CSNK1D: variants seen among roughly 807,000 people sequenced by gnomAD.
The protein encoded by CSNK1D is casein kinase 1 delta.
Under a neutral mutation model 46.6 loss-of-function variants are expected in CSNK1D, and 16 were observed. That is an observed-to-expected ratio of 0.34 (90% CI 0.23 to 0.52). The LOEUF (loss-of-function observed/expected upper bound fraction) is 0.52, where lower values mean the gene tolerates loss of function less well. Among genes scored for constraint, CSNK1D ranks in the 20% least tolerant of loss-of-function variants. The pLI, the probability that CSNK1D is intolerant of heterozygous loss-of-function variation, is 0.95. For synonymous variants in CSNK1D, 276 were observed against 228.2 expected (o/e 1.21, Z -1.89); for missense variants, 398 against 578.4 (o/e 0.69, Z 3.20).
intron 2 of CSNK1D, among the ~76,000 whole-genome samples, chr17:82,260,020 ACT>A (rs1389623935): frequency 6.1e-5 from 8 of 132,144 alleles, no homozygotes; most frequent in African/African-American, 2.5e-4. Context: ...TGGTGTACTG[ACT>A]GATGGTGTAC....
downstream of CSNK1D, chr17:82,240,176 C>T (rs2050722876): frequency 6.0e-6 from 5 of 829,484 alleles, no homozygotes; most frequent in African/African-American, 3.5e-5. Context: ...TGCCTGCAGC[C>T]TCAGGGCTGT....
Position 82,248,892 on chromosome 17 carries a change from G to C in CSNK1D, c.1180C>G (p.Arg394Gly). Residue 394 changes from arginine (R) to glycine (G), a missense_variant, in exon 8 of 9, where the codon CGC becomes GGC. By Grantham distance (125) the Arg-to-Gly change is moderately radical. This residue lies in a region of CSNK1D where 181 missense variants were observed against 208.0 expected (regional missense o/e 0.87). Coordinates refer to ENST00000314028, the MANE Select transcript of CSNK1D (RefSeq NM_001893.6). The surrounding 1 kb of genome is among the most constrained non-coding windows in gnomAD (Gnocchi z 4.1). The part of the protein sequence containing the change: ...SDLTGRQDTS[R>G]MSTSQIPGRV... The stretch of plus-strand genomic sequence containing the variant: ...GCACCTACCTGTGAGGTGGACATGC[G>C]AGAGGTATCTTGTCGGCCTGTGAGG... 6.2e-7 allele frequency: 1 copy of C among 1,610,694 alleles called. No individual in the cohort carries two copies. Among genetic ancestry groups the C allele is most frequent in the Non-Finnish European group, 8.5e-7 (1 of 1,178,330 alleles).
At chr17:82,262,317 C>T (rs979689324) in intron 2 of CSNK1D, among the ~76,000 whole-genome samples, 2 of 152,210 alleles carry the variant, frequency 1.3e-5, no homozygotes, top group Non-Finnish European at 2.9e-5. Flanking sequence ...AGTCTGTCCT[C>T]TGTGAAGTTA....
At chr17:82,263,525 C>G (rs921919535) in intron 2 of CSNK1D, among the ~76,000 whole-genome samples, 1 of 152,178 alleles carries the variant, frequency 6.6e-6, no homozygotes, top group African/African-American at 2.4e-5. Flanking sequence ...CCAACATCTA[C>G]CATGCAGAGA....
At chr17:82,262,593 T>C (rs187877895) in intron 2 of CSNK1D, among the ~76,000 whole-genome samples, 31 of 152,256 alleles carry the variant, frequency 2.0e-4, no homozygotes, top group African/African-American at 7.5e-4. Flanking sequence ...GCTGCCCTTT[T>C]TTTCAGAGAT....
At chr17:82,245,765 C>A (rs1451697511) in intron 8 of CSNK1D, among the ~76,000 whole-genome samples, 2 of 152,270 alleles carry the variant, frequency 1.3e-5, no homozygotes, top group African/African-American at 4.8e-5. Flanking sequence ...TCACTCTGTT[C>A]CAAAGCTCTC....
chr17:82,243,736 T>C lies in CSNK1D; in HGVS notation c.*1045A>G, dbSNP rs932465444. 3 of 985,406 alleles carry C rather than the reference T, an allele frequency of 3.0e-6. No homozygotes were observed. Among genetic ancestry groups the C allele is most frequent in the Admixed American group, 6.1e-5 (1 of 16,292 alleles). 61.0% of individuals were successfully genotyped at this position (985,406 alleles called of 1,614,324 possible). The stretch of plus-strand genomic sequence containing the variant: ...TCCTGGTTTTAAGCACAGGCATTCA[T>C]ACAGACGGAGTGCCAATCCGCACAG... On this transcript the variant is annotated 3_prime_UTR_variant, in exon 9 of 9. Coordinates refer to ENST00000314028, the MANE Select transcript of CSNK1D (RefSeq NM_001893.6).
chr17:82,253,046 A>ACCGCGCCGTC lies in CSNK1D; in HGVS notation c.525_534dup (p.Tyr179AspfsTer14). On this transcript the variant is annotated frameshift_variant, in exon 4 of 9. Coordinates refer to ENST00000314028, the MANE Select transcript of CSNK1D (RefSeq NM_001893.6). LOFTEE classifies it high-confidence loss of function. ...CCAAGGTGCGTGTTGATGGAGGCGT[A>ACCGCGCCGTC]CCGCGCCGTCCCCGTGAGGTTCTTG... 6.2e-7 allele frequency: 1 copy of ACCGCGCCGTC among 1,613,854 alleles called. No individual in the cohort carries two copies. Among genetic ancestry groups the ACCGCGCCGTC allele is most frequent in the Non-Finnish European group, 8.5e-7 (1 of 1,179,928 alleles).
Position 82,249,119 on chromosome 17 carries a change from C to T in CSNK1D, c.1058-105G>A. ...CAGAGAGGACCCTGGGCTGCCTGGA[C>T]AGTCAGGACCTGGCTGTGGCCGATG... On this transcript the variant is annotated intron_variant, in intron 7 of 8. Coordinates refer to ENST00000314028, the MANE Select transcript of CSNK1D (RefSeq NM_001893.6). The surrounding 1 kb of genome is among the most constrained non-coding windows in gnomAD (Gnocchi z 6.7). The T allele has an allele frequency of 7.3e-7, 1 of 1,371,246 alleles. No homozygotes were observed. Among genetic ancestry groups the T allele is most frequent in the Non-Finnish European group, 9.9e-7 (1 of 1,011,244 alleles). 84.9% of individuals were successfully genotyped at this position (1,371,246 alleles called of 1,614,324 possible). A position where few individuals can be genotyped will look rare whatever the true frequency, so the allele number is the denominator to read the frequency against.
downstream of CSNK1D, among the ~76,000 whole-genome samples, chr17:82,242,088 A>G (rs2050748421): frequency 6.7e-6 from 1 of 149,818 alleles, no homozygotes. Context: ...CTGGGAGGGG[A>G]GGCGGCCTAG....
chr17:82,260,122 T>G (rs1195365454), intron 2 of CSNK1D, among the ~76,000 whole-genome samples: 1 of 149,644 alleles, frequency 6.7e-6, no homozygotes, highest in African/African-American at 2.5e-5. Flanking sequence ...CTGACTGATG[T>G]GACTGATGGT....
At chr17:82,257,168 A>T (rs1303382598) in intron 2 of CSNK1D, among the ~76,000 whole-genome samples, 3 of 145,830 alleles carry the variant, frequency 2.1e-5, no homozygotes, top group African/African-American at 7.5e-5. Flanking sequence ...GAAGGCATGT[A>T]TTTTTTTTTT....
Position 82,273,469 on chromosome 17 carries a change from G to T in CSNK1D, c.-88C>A, listed in dbSNP as rs571866458. 1.6e-5 allele frequency: 24 copies of T among 1,524,772 alleles called. No individual in the cohort carries two copies. The East Asian group carries it at 4.3e-4, about 27-fold the overall frequency. 94.5% of individuals were successfully genotyped at this position (1,524,772 alleles called of 1,614,324 possible). On this transcript the variant is annotated 5_prime_UTR_variant, in exon 1 of 9. Transcript: ENST00000314028. This position sits in a 1 kb window ranked among gnomAD's most constrained non-coding sequence, Gnocchi z 5.1. The stretch of plus-strand genomic sequence containing the variant: ...GCGGCGCCGCTGCTGCCGCTACTGC[G>T]GGTCCGGCTCCCGGCTCCGCCCCCC...
In CSNK1D at chr17:82,243,372, GT is replaced by G. The variant is rs1428010477; in HGVS notation, c.*1408del. 1 of 985,448 alleles carries G rather than the reference GT, an allele frequency of 1.0e-6. No homozygotes were observed. Among genetic ancestry groups the G allele is most frequent in the African/African-American group, 1.7e-5 (1 of 57,248 alleles). 61.0% of individuals were successfully genotyped at this position (985,448 alleles called of 1,614,324 possible). On this transcript the variant is annotated 3_prime_UTR_variant, in exon 9 of 9. Transcript: ENST00000314028. Reference sequence around the variant, plus strand: ...AACACAGACTGCCCTGCGCATTGGGGTTGGGAGCACATGGCCACTGGCTACC... The same window carrying G: ...AACACAGACTGCCCTGCGCATTGGGGTGGGAGCACATGGCCACTGGCTACC...
In CSNK1D at chr17:82,272,882, C is replaced by A. The variant is rs113492780; in HGVS notation, c.76+424G>T. Among the ~76,000 whole-genome samples the A allele has an allele frequency of 6.5e-3, 972 of 150,534 alleles. 3 individuals are homozygous for A. Among genetic ancestry groups the A allele is most frequent in the African/African-American group, 0.023 (929 of 40,952 alleles). On this transcript the variant is annotated intron_variant, in intron 1 of 8. Transcript: ENST00000314028. Reference sequence around the variant, plus strand: ...CCGCTTCGCGGCCCCAGCCCTACCCCCTCCCCTCCCACGGCCCGCTGCCCC... The same window carrying A: ...CCGCTTCGCGGCCCCAGCCCTACCCACTCCCCTCCCACGGCCCGCTGCCCC...
rs2051020059 is a variant in CSNK1D at position 82,251,892 on chromosome 17, G to A, written c.737-365C>T. ...GCCTGTAGTCCCAGCTACCGGGGAG[G>A]CTGACGCAGGAGAATGGTATGAACC... On this transcript the variant is annotated intron_variant, in intron 5 of 8. Coordinates refer to ENST00000314028, the MANE Select transcript of CSNK1D (RefSeq NM_001893.6). This position sits in a 1 kb window ranked among gnomAD's most constrained non-coding sequence, Gnocchi z 4.5. 2.9e-6 allele frequency: 1 copy of A among 344,684 alleles called. No homozygotes were observed. The highest frequency in any genetic ancestry group is 5.5e-6 in the Non-Finnish European group (1 of 180,662). 21.4% of individuals were successfully genotyped at this position (344,684 alleles called of 1,614,324 possible). A position where few individuals can be genotyped will look rare whatever the true frequency, so the allele number is the denominator to read the frequency against.
chr17:82,252,118 CAG>C lies in CSNK1D; in HGVS notation c.736+314_736+315del, dbSNP rs1023829074. Among the ~76,000 whole-genome samples, 9 of 152,226 alleles carry C rather than the reference CAG, an allele frequency of 5.9e-5. No individual in the cohort carries two copies. The highest frequency in any genetic ancestry group is 2.2e-4 in the African/African-American group (9 of 41,446). On this transcript the variant is annotated intron_variant, in intron 5 of 8. Coordinates refer to ENST00000314028, the MANE Select transcript of CSNK1D (RefSeq NM_001893.6). This position sits in a 1 kb window ranked among gnomAD's most constrained non-coding sequence, Gnocchi z 4.6. ...AGGGGGCCAGAGAGGGCAGCCACTG[CAG>C]AGAGAGGCCCCACCACTGCCTGTCC...
chr17:82,243,891 A>T lies in CSNK1D; in HGVS notation c.*890T>A. The T allele has an allele frequency of 2.0e-6, 2 of 985,336 alleles. No homozygotes were observed. The highest frequency in any genetic ancestry group is 2.4e-6 in the Non-Finnish European group (2 of 830,016). The allele number at this position is 985,336 out of a possible 1,614,324, so 61.0% of individuals were successfully genotyped here. A position where few individuals can be genotyped will look rare whatever the true frequency, so the allele number is the denominator to read the frequency against. On this transcript the variant is annotated 3_prime_UTR_variant, in exon 9 of 9. Transcript: ENST00000314028. ...CGCATCTTCCACCTTGAATCCTGGG[A>T]CTCCCAATTGTCCTGCTAGGGTCTC...
At chr17:82,259,198 A>C (rs753373285) in intron 2 of CSNK1D, among the ~76,000 whole-genome samples, 2 of 152,226 alleles carry the variant, frequency 1.3e-5, no homozygotes, top group African/African-American at 4.8e-5. Context: ...AATTTACCCC[A>C]GATACCTTTT....
Sources: allele counts gnomAD v4.1 joint callset (sites outside exome capture counted in the v4.1 genomes callset), GRCh38; gene constraint gnomAD v4.1.1; regional missense constraint gnomAD v4.1.1; non-coding constraint Gnocchi (gnomAD v3.1); transcripts MANE v1.5; gene names NCBI Gene and HGNC (gene_info 2026-07-23, HGNC 2026-07-21).